The following EPHA6 variants were observed in gnomAD, a reference collection of about 807,000 sequenced individuals.
The protein encoded by EPHA6 is ephrin type-A receptor 6.
In EPHA6, 50 loss-of-function variants were observed where a neutral mutation model predicts 112.0. That is an observed-to-expected ratio of 0.45 (90% CI 0.36 to 0.56). The LOEUF (loss-of-function observed/expected upper bound fraction) is 0.56, where lower values mean the gene tolerates loss of function less well. EPHA6 is among the 20% of genes least tolerant of loss of function. EPHA6 has a pLI of 0.00. For missense variants in EPHA6, 1,280 were observed against 1,417.4 expected, an observed-to-expected ratio of 0.90 and a Z score of 1.56; for synonymous variants, 529 against 490.7, an observed-to-expected ratio of 1.08 and a Z score of -1.03.
intron 4 of EPHA6, among the ~76,000 whole-genome samples, chr3:97,230,039 G>A (rs2108552555): frequency 6.6e-6 from 1 of 152,076 alleles, no homozygotes; most frequent in Admixed American, 6.6e-5. Flanking sequence ...ATTATATATA[G>A]TATGGACAAC....
intron 10 of EPHA6, among the ~76,000 whole-genome samples, chr3:97,503,863 T>C (rs1303653531): frequency 2.6e-5 from 4 of 152,208 alleles, no homozygotes; most frequent in African/African-American, 9.6e-5. Context: ...TTTACTTCTT[T>C]AGTTATTACT....
At chr3:97,531,926 G>T (rs369956591) in intron 10 of EPHA6, among the ~76,000 whole-genome samples, 4 of 151,980 alleles carry the variant, frequency 2.6e-5, no homozygotes, top group African/African-American at 7.2e-5. Flanking sequence ...TGTCAATGAC[G>T]CCCAGTCATA....
chr3:97,353,261 G>A (rs1415328335), intron 5 of EPHA6, among the ~76,000 whole-genome samples: 1 of 151,686 alleles, frequency 6.6e-6, no homozygotes, highest in African/African-American at 2.4e-5. Context: ...CTTGAGGAAA[G>A]GAGAGGGAAG....
At chr3:97,674,512 G>A (rs995175021) in intron 14 of EPHA6, among the ~76,000 whole-genome samples, 17 of 152,148 alleles carry the variant, frequency 1.1e-4, no homozygotes, top group Non-Finnish European at 2.5e-4. Flanking sequence ...TAAAGGAGAT[G>A]AAAACAAATA....
At chr3:97,351,438 T>G (rs1219555573) in intron 5 of EPHA6, among the ~76,000 whole-genome samples, 1 of 152,208 alleles carries the variant, frequency 6.6e-6, no homozygotes, top group African/African-American at 2.4e-5. Context: ...CAGAAGAAAA[T>G]TATTAGCAAT....
intron 3 of EPHA6, among the ~76,000 whole-genome samples, chr3:97,139,932 A>G (rs1334029185): frequency 6.6e-6 from 1 of 152,154 alleles, no homozygotes; most frequent in African/African-American, 2.4e-5. Flanking sequence ...AAAAATTTCC[A>G]CAAATGTGGA....
At chr3:97,603,221 T>C (rs962855942) in intron 12 of EPHA6, among the ~76,000 whole-genome samples, 1 of 151,960 alleles carries the variant, frequency 6.6e-6, no homozygotes, top group Non-Finnish European at 1.5e-5. Context: ...AAACCTTTTT[T>C]CCTATATGAT....
chr3:97,523,544 G>C (rs909132971), intron 10 of EPHA6, among the ~76,000 whole-genome samples: 30 of 152,034 alleles, frequency 2.0e-4, no homozygotes, highest in African/African-American at 7.2e-4. Context: ...GTCCATTTGG[G>C]GTAAAGGGTT....
chr3:97,384,346 A>G (rs2085930937), intron 5 of EPHA6, among the ~76,000 whole-genome samples: 1 of 152,202 alleles, frequency 6.6e-6, no homozygotes, highest in Admixed American at 6.5e-5. Context: ...AGTGAGAAGC[A>G]ATGCTGGGAT....
At chr3:97,143,086 AC>A (rs975811216) in intron 3 of EPHA6, among the ~76,000 whole-genome samples, 9 of 151,828 alleles carry the variant, frequency 5.9e-5, no homozygotes, top group African/African-American at 2.2e-4. Flanking sequence ...GTATCAATAT[AC>A]AAAAATTAGT....
At chr3:97,553,784 C>T (rs909478590) in intron 11 of EPHA6, among the ~76,000 whole-genome samples, 1 of 152,032 alleles carries the variant, frequency 6.6e-6, no homozygotes, top group Admixed American at 6.6e-5. Flanking sequence ...CATTGCTCTC[C>T]CTAAGGAAGG....
Position 97,232,977 on chromosome 3 carries a change from C to G in EPHA6, c.1270+6558C>G, listed in dbSNP as rs531440476. 5.2e-4 allele frequency among the ~76,000 whole-genome samples: 79 copies of G among 152,246 alleles called. 1 individual carries two copies. The highest frequency in any genetic ancestry group is 9.7e-4 in the Non-Finnish European group (66 of 68,026). ...AGGGGAAGGTCATATACCGGTCAAA[C>G]TCTGCAATTTTGCCTCTTATGTACC... is the stretch of plus-strand genomic sequence containing the variant. On this transcript the variant is annotated intron_variant, in intron 4 of 17. Coordinates refer to ENST00000389672, the MANE Select transcript of EPHA6 (RefSeq NM_001080448.3).
intron 5 of EPHA6, among the ~76,000 whole-genome samples, chr3:97,294,814 G>A (rs537396692): frequency 3.9e-5 from 6 of 152,050 alleles, no homozygotes. Context: ...CTTAGTCTTT[G>A]CTTCTCTGGT....
chr3:96,942,149 A>C (rs1341729576), intron 2 of EPHA6, among the ~76,000 whole-genome samples: 1 of 152,198 alleles, frequency 6.6e-6, no homozygotes, highest in Non-Finnish European at 1.5e-5. Context: ...GCTGTCAGAC[A>C]GGGGCATTCA....
chr3:97,041,645 G>A (rs1183131732), intron 3 of EPHA6, among the ~76,000 whole-genome samples: 1 of 151,952 alleles, frequency 6.6e-6, no homozygotes. Flanking sequence ...ACCTGAGACT[G>A]GGTAATTTAT....
At chr3:97,406,698 C>T (rs2087370318) in intron 6 of EPHA6, among the ~76,000 whole-genome samples, 1 of 152,066 alleles carries the variant, frequency 6.6e-6, no homozygotes, top group South Asian at 2.1e-4. Context: ...ATAATTTCAG[C>T]ATTATGTAGT....
intron 5 of EPHA6, among the ~76,000 whole-genome samples, chr3:97,350,326 A>G (rs968017784): frequency 1.1e-4 from 16 of 152,074 alleles, no homozygotes; most frequent in Non-Finnish European, 2.2e-4. Flanking sequence ...GTTATTGTTT[A>G]CAGTTTAATT....
chr3:97,682,190 C>A (rs1464128517), intron 14 of EPHA6, among the ~76,000 whole-genome samples: 2 of 151,998 alleles, frequency 1.3e-5, no homozygotes, highest in African/African-American at 2.4e-5. Context: ...TGGCTTGGAT[C>A]ACCTGTTAAG....
At chr3:97,391,944 T>C (rs970176133) in intron 5 of EPHA6, among the ~76,000 whole-genome samples, 1 of 151,854 alleles carries the variant, frequency 6.6e-6, no homozygotes, top group Non-Finnish European at 1.5e-5. Flanking sequence ...AATATTTTTT[T>C]CTTTCATGAG....
Sources: allele counts gnomAD v4.1 joint callset (sites outside exome capture counted in the v4.1 genomes callset), GRCh38; gene constraint gnomAD v4.1.1; transcripts MANE v1.5; gene names NCBI Gene and HGNC (gene_info 2026-07-23, HGNC 2026-07-21).